Variants in GRID2 observed in about 807,000 individuals in gnomAD.
GRID2 encodes the protein glutamate ionotropic receptor delta type subunit 2.
In GRID2, 33 loss-of-function variants were observed where a neutral mutation model predicts 114.8. The ratio of observed to expected loss-of-function variants is 0.29; its 90% CI spans 0.22 to 0.38. GRID2 has a LOEUF of 0.38. Among genes scored for constraint, GRID2 ranks in the 10% least tolerant of loss-of-function variants. GRID2 has a pLI of 1.00. For missense variants in GRID2, 1,184 were observed against 1,257.7 expected (o/e 0.94, Z 0.89); for synonymous variants, 505 against 449.9 (o/e 1.12, Z -1.55).
chr4:93,460,699 A>G lies in GRID2; in HGVS notation c.1858+4725A>G, dbSNP rs186663954. On this transcript the variant is annotated intron_variant, in intron 11 of 15. Coordinates refer to ENST00000282020, the MANE Select transcript of GRID2 (RefSeq NM_001510.4). ...TACATGTTAGGCATTTAATAAATTC[A>G]TATTGATAAATTTAATGAATGGATG... 3.9e-5 allele frequency among the ~76,000 whole-genome samples: 6 copies of G among 152,278 alleles called. No homozygotes were observed. In the East Asian group the frequency reaches 1.2e-3, roughly 29 times the overall value.
chr4:93,423,098 G>A, intron 10 of GRID2, 130 bp downstream of exon 10: 1 of 644,424 alleles, frequency 1.6e-6, no homozygotes, highest in Non-Finnish European at 2.7e-6. Context: ...GGTTGGTTAA[G>A]CATTAGGTGG....
intron 10 of GRID2, among the ~76,000 whole-genome samples, chr4:93,453,412 C>T (rs1191311220): frequency 6.6e-6 from 1 of 151,560 alleles, no homozygotes; most frequent in African/African-American, 2.4e-5. Context: ...ATGCCTCCCA[C>T]AGGGAGGCTA....
intron 1 of GRID2, among the ~76,000 whole-genome samples, chr4:92,417,260 G>T (rs1731660814): frequency 6.6e-6 from 1 of 152,018 alleles, no homozygotes; most frequent in Non-Finnish European, 1.5e-5. Context: ...AAAGTCCTAG[G>T]TATAAATATA....
At chr4:92,602,287 C>A (rs765641138) in intron 2 of GRID2, among the ~76,000 whole-genome samples, 1 of 151,150 alleles carries the variant, frequency 6.6e-6, no homozygotes, top group Admixed American at 6.6e-5. Flanking sequence ...TGATGAACAT[C>A]GATGTAAAAA....
intron 8 of GRID2, among the ~76,000 whole-genome samples, chr4:93,394,585 C>T (rs1765151271): frequency 6.6e-6 from 1 of 151,892 alleles, no homozygotes; most frequent in Non-Finnish European, 1.5e-5. Context: ...TCACAATCAT[C>T]AGGAGGAAAC....
At chr4:92,882,246 A>G (rs1746078205) in intron 2 of GRID2, among the ~76,000 whole-genome samples, 1 of 152,220 alleles carries the variant, frequency 6.6e-6, no homozygotes, top group Admixed American at 6.5e-5. Flanking sequence ...GAACGCTGCA[A>G]TATGGTTTGA....
chr4:93,560,912 T>TTATTTAATATTTATTTGATAAATATTTA (rs11272333), intron 13 of GRID2, among the ~76,000 whole-genome samples: 3 of 150,296 alleles, frequency 2.0e-5, no homozygotes, highest in Non-Finnish European at 4.4e-5. Flanking sequence ...ATAAATATTT[T>TTATTTAATATTTATTTGATAAATATTTA]TATTTAATAT....
intron 10 of GRID2, among the ~76,000 whole-genome samples, chr4:93,443,317 T>C (rs1198027141): frequency 2.0e-5 from 3 of 152,008 alleles, no homozygotes; most frequent in Admixed American, 6.6e-5. Flanking sequence ...TACCACCATC[T>C]CTGTGAAATC....
At chr4:93,810,240 A>G (rs1735106838), downstream of GRID2, 1 of 152,226 alleles carries the variant, frequency 6.6e-6, no homozygotes, top group African/African-American at 2.4e-5. Flanking sequence ...TGTAGCTTAC[A>G]TAGCCAGCCC....
chr4:93,424,215 A>G (rs993402965), intron 10 of GRID2, among the ~76,000 whole-genome samples: 12 of 151,658 alleles, frequency 7.9e-5, no homozygotes, highest in Non-Finnish European at 1.5e-4. Context: ...AAAGGTACAG[A>G]AAGAAAAAAA....
At chr4:93,533,245 TCTTCCTTC>T (rs755045834) in intron 13 of GRID2, among the ~76,000 whole-genome samples, 12,687 of 105,378 alleles carry the variant, frequency 0.12, 993 homozygotes, top group African/African-American at 0.18. Flanking sequence ...TTTCTTTCTC[TCTTCCTTC>T]CTTCCTTCCT....
chr4:92,867,679 A>G (rs1381966335), intron 2 of GRID2, among the ~76,000 whole-genome samples: 3 of 151,998 alleles, frequency 2.0e-5, no homozygotes, highest in Admixed American at 2.0e-4. Flanking sequence ...TTGGTTGCTC[A>G]ATGGAACCTT....
intron 2 of GRID2, among the ~76,000 whole-genome samples, chr4:92,821,339 G>C (rs957093183): frequency 1.3e-5 from 2 of 152,092 alleles, no homozygotes. Flanking sequence ...AGAACAAAAT[G>C]GTTGACAACC....
chr4:93,676,389 AG>A (rs1262073249), intron 14 of GRID2, among the ~76,000 whole-genome samples: 1 of 152,236 alleles, frequency 6.6e-6, no homozygotes, highest in Non-Finnish European at 1.5e-5. Context: ...CTGCATAAGA[AG>A]AAGATAGAGT....
At chr4:92,639,638 A>G (rs977923639) in intron 2 of GRID2, among the ~76,000 whole-genome samples, 4 of 151,642 alleles carry the variant, frequency 2.6e-5, no homozygotes, top group Non-Finnish European at 5.9e-5. Flanking sequence ...GATGTTATGA[A>G]ATGGGGGAAT....
chr4:92,655,364 C>A (rs546603636), intron 2 of GRID2, among the ~76,000 whole-genome samples: 5 of 151,702 alleles, frequency 3.3e-5, no homozygotes, highest in Non-Finnish European at 7.4e-5. Flanking sequence ...GCTATTTGAG[C>A]CTTTTGTGTT....
At chr4:93,208,769 C>A (rs543873035) in intron 5 of GRID2, among the ~76,000 whole-genome samples, 3 of 151,922 alleles carry the variant, frequency 2.0e-5, no homozygotes, top group Admixed American at 2.0e-4. Context: ...TTTCTCATGT[C>A]AAAATAAGAT....
At chr4:92,673,929 C>A (rs572849080) in intron 2 of GRID2, among the ~76,000 whole-genome samples, 3 of 152,096 alleles carry the variant, frequency 2.0e-5, no homozygotes, top group Admixed American at 1.3e-4. Context: ...ACATTTGTAA[C>A]AAACCTGCAC....
chr4:93,141,091 A>G (rs1216059956), intron 4 of GRID2, among the ~76,000 whole-genome samples: 1 of 152,184 alleles, frequency 6.6e-6, no homozygotes, highest in Admixed American at 6.5e-5. Flanking sequence ...TTATTTTAAT[A>G]TAAAGTTTTG....
Sources: gnomAD v4.1 joint callset for allele counts (sites outside exome capture counted in the v4.1 genomes callset) on GRCh38, gnomAD v4.1.1 for gene constraint, MANE v1.5 for transcripts, NCBI Gene and HGNC (gene_info 2026-07-23, HGNC 2026-07-21) for gene names.